BBX: variants seen among roughly 807,000 people sequenced by gnomAD.
BBX encodes the protein BBX high mobility group box domain containing, also known as HMG box transcription factor BBX.
Under a neutral mutation model 100.2 loss-of-function variants are expected in BBX, and 30 were observed. That is an observed-to-expected ratio of 0.30 (90% CI 0.22 to 0.41). The LOEUF (loss-of-function observed/expected upper bound fraction) is 0.41. BBX is among the 10% of genes least tolerant of loss of function. The pLI is 1.00. For synonymous variants in BBX, 376 were observed against 388.1 expected, an observed-to-expected ratio of 0.97 and a Z score of 0.37; for missense variants, 1,023 against 1,129.8, an observed-to-expected ratio of 0.91 and a Z score of 1.35.
chr3:107,523,248 A>G, intron 1 of BBX, 141 bp downstream of exon 1: 1 of 220,634 alleles, frequency 4.5e-6, no homozygotes, highest in Non-Finnish European at 9.1e-6. Context: ...CGGCGGCGGC[A>G]GCCGGTAGGG....
chr3:107,743,793 G>A (rs2064312402), intron 7 of BBX, among the ~76,000 whole-genome samples: 1 of 151,846 alleles, frequency 6.6e-6, no homozygotes, highest in Non-Finnish European at 1.5e-5. Context: ...AGAACATTCT[G>A]TAACTGTGGT....
chr3:107,736,677 T>C (rs1560067650), intron 7 of BBX, among the ~76,000 whole-genome samples: 1 of 152,006 alleles, frequency 6.6e-6, no homozygotes, highest in Non-Finnish European at 1.5e-5. Flanking sequence ...CTAAATTAAA[T>C]CTTAAAAAAC....
At chr3:107,731,615 T>G (rs2063319230) in intron 6 of BBX, among the ~76,000 whole-genome samples, 1 of 152,172 alleles carries the variant, frequency 6.6e-6, no homozygotes, top group Non-Finnish European at 1.5e-5. Context: ...AGCTATTTTT[T>G]GACCCCCTGA....
At chr3:107,646,734 G>T (rs2107789921) in intron 3 of BBX, among the ~76,000 whole-genome samples, 1 of 152,178 alleles carries the variant, frequency 6.6e-6, no homozygotes, top group South Asian at 2.1e-4. Flanking sequence ...TTTAGTTATA[G>T]TTTTCAGGAA....
At chr3:107,663,984 T>C (rs748215212) in intron 3 of BBX, among the ~76,000 whole-genome samples, 1 of 152,114 alleles carries the variant, frequency 6.6e-6, no homozygotes, top group Middle Eastern at 3.2e-3. Flanking sequence ...TTTTTGTATT[T>C]TTAGTAGAGA....
chr3:107,641,137 T>G (rs56997615), intron 2 of BBX, among the ~76,000 whole-genome samples: 1 of 148,182 alleles, frequency 6.7e-6, no homozygotes, highest in Non-Finnish European at 1.5e-5. Context: ...CAGGCTAGAG[T>G]GCAATGGCAT....
intron 7 of BBX, among the ~76,000 whole-genome samples, chr3:107,743,974 T>A (rs1313914792): frequency 2.0e-5 from 3 of 148,870 alleles, no homozygotes; most frequent in African/African-American, 7.4e-5. Flanking sequence ...TGGATTATTT[T>A]GTAATCAGAA....
chr3:107,707,665 C>T lies in BBX; in HGVS notation c.-9-2787C>T, dbSNP rs190836167. On this transcript the variant is annotated intron_variant, in intron 3 of 17. Coordinates refer to ENST00000325805, the MANE Select transcript of BBX (RefSeq NM_001142568.3). ...TGGAGTATCAGAAAAGACATTTTCT[C>T]CAAAGTGGTATGTGAGCTACGTGGG... 2.0e-5 allele frequency among the ~76,000 whole-genome samples: 3 copies of T among 152,150 alleles called. No homozygotes were observed. The East Asian group carries it at 5.8e-4, about 29-fold the overall frequency.
intron 2 of BBX, among the ~76,000 whole-genome samples, chr3:107,630,359 G>T (rs1258081474): frequency 6.6e-6 from 1 of 152,092 alleles, no homozygotes; most frequent in African/African-American, 2.4e-5. Flanking sequence ...TAAATATAAG[G>T]ACTCTTTATA....
chr3:107,727,646 C>G (rs951312646), intron 5 of BBX, among the ~76,000 whole-genome samples: 1 of 151,944 alleles, frequency 6.6e-6, no homozygotes, highest in Non-Finnish European at 1.5e-5. Context: ...ATTAACATTG[C>G]ATAATTATCT....
chr3:107,755,623 G>A lies in BBX; in HGVS notation c.851G>A (p.Gly284Asp). 1.2e-6 allele frequency: 2 copies of A among 1,613,884 alleles called. No homozygotes were observed. The highest frequency in any genetic ancestry group is 2.2e-5 in the East Asian group (1 of 44,846). ...AEISSNTSQLGGAEPVKRCGK... is the reference protein window; with the variant it reads ...AEISSNTSQLDGAEPVKRCGK... Reference sequence around the variant, plus strand: ...ATTTCTTCAAACACTTCGCAGTTGGGTGGTGCTGAGCCTGTAAAACGCTGT... The same window carrying A: ...ATTTCTTCAAACACTTCGCAGTTGGATGGTGCTGAGCCTGTAAAACGCTGT... Residue 284 changes from glycine (G) to aspartate (D), a missense_variant, in exon 10 of 18, where the codon GGT becomes GAT. Physicochemically the swap from Gly to Asp is moderately conservative, Grantham distance 94 (BLOSUM62 -1). Around this residue, in one of 9 missense-constraint regions of BBX, gnomAD observed 95 missense variants for 95.1 expected, o/e 1.00. Coordinates refer to ENST00000325805, the MANE Select transcript of BBX (RefSeq NM_001142568.3).
At position 107,651,027 on chromosome 3, in the gene BBX, A is replaced by T. The variant is rs994879492; in HGVS notation, c.-10+5118A>T. Among the ~76,000 whole-genome samples the T allele has an allele frequency of 4.5e-4, 69 of 152,124 alleles. 1 individual carries two copies. The highest frequency in any genetic ancestry group is 1.6e-3 in the African/African-American group (66 of 41,408). On this transcript the variant is annotated intron_variant, in intron 3 of 17. Coordinates refer to ENST00000325805, the MANE Select transcript of BBX (RefSeq NM_001142568.3). Reference sequence around the variant, plus strand: ...AGTGTCTCTTCCTCTTCTCATAAGTACATCAGTTCTTTGGGATTAGGGCCC... The same window carrying T: ...AGTGTCTCTTCCTCTTCTCATAAGTTCATCAGTTCTTTGGGATTAGGGCCC...
At chr3:107,797,187 T>G (rs2069768473) in intron 15 of BBX, among the ~76,000 whole-genome samples, 1 of 151,592 alleles carries the variant, frequency 6.6e-6, no homozygotes, top group East Asian at 1.9e-4. Flanking sequence ...TAGCCTTCTT[T>G]CTTGAGGATG....
chr3:107,616,005 C>CTTTTTTTTTTTTTTTTTTT (rs59614452), intron 2 of BBX, among the ~76,000 whole-genome samples: 1 of 19,248 alleles, frequency 5.2e-5, no homozygotes, highest in East Asian at 9.4e-4. Flanking sequence ...TACTCACCTG[C>CTTTTTTTTTTTTTTTTTTT]TTTTTTTTTT....
At chr3:107,783,348 C>G (rs1402218986) in intron 13 of BBX, among the ~76,000 whole-genome samples, 1 of 151,958 alleles carries the variant, frequency 6.6e-6, no homozygotes, top group Non-Finnish European at 1.5e-5. Context: ...TTTATATAAG[C>G]TCTTCTGTGT....
At chr3:107,681,596 G>A (rs1394002711) in intron 3 of BBX, among the ~76,000 whole-genome samples, 2 of 152,074 alleles carry the variant, frequency 1.3e-5, no homozygotes, top group Non-Finnish European at 2.9e-5. Flanking sequence ...CACTCAAGAT[G>A]CCAAAAGCTT....
intron 4 of BBX, among the ~76,000 whole-genome samples, chr3:107,715,789 C>G (rs986605262): frequency 6.6e-6 from 1 of 152,196 alleles, no homozygotes; most frequent in Non-Finnish European, 1.5e-5. Context: ...ATGGAATGGA[C>G]AGATTCGGAG....
At chr3:107,618,459 CTT>C in intron 2 of BBX, among the ~76,000 whole-genome samples, 1 of 152,022 alleles carries the variant, frequency 6.6e-6, no homozygotes, top group East Asian at 1.9e-4. Flanking sequence ...TTTATTTTGA[CTT>C]TTCTTCAGGT....
chr3:107,805,500 T>C lies in BBX; in HGVS notation c.*43T>C. 1 of 1,613,946 alleles carries C rather than the reference T, an allele frequency of 6.2e-7. No homozygotes were observed. Among genetic ancestry groups the C allele is most frequent in the Non-Finnish European group, 8.5e-7 (1 of 1,179,846 alleles). ...AAACATTGTGCTTTACCTACTACCC[T>C]AGCCTTGTCTTTACCGAGGGATGCT... On this transcript the variant is annotated 3_prime_UTR_variant, in exon 18 of 18. Coordinates refer to ENST00000325805, the MANE Select transcript of BBX (RefSeq NM_001142568.3).
Sources: allele counts gnomAD v4.1 joint callset (sites outside exome capture counted in the v4.1 genomes callset), GRCh38; gene constraint gnomAD v4.1.1; regional missense constraint gnomAD v4.1.1; transcripts MANE v1.5; gene names NCBI Gene and HGNC (gene_info 2026-07-23, HGNC 2026-07-21).